Variants in RIN3 observed in about 807,000 individuals in gnomAD.
RIN3 encodes the protein Ras and Rab interactor 3, also known as RAB5 interacting protein 3.
A neutral mutation model predicts 76.3 loss-of-function variants in RIN3; 54 were observed. The ratio of observed to expected loss-of-function variants is 0.71; its 90% confidence interval spans 0.57 to 0.89. RIN3 has a LOEUF of 0.89. Among genes scored for constraint, RIN3 ranks in the 40% least tolerant of loss-of-function variants. The probability of loss-of-function intolerance (pLI) is 0.00; values close to 1 mark genes in which losing one functional copy is unlikely to be tolerated. For missense variants in RIN3, 1,256 were observed against 1,322.1 expected (o/e 0.95, Z 0.78); for synonymous variants, 576 against 564.0 (o/e 1.02, Z -0.30).
intron 2 of RIN3, among the ~76,000 whole-genome samples, chr14:92,563,503 G>A (rs1339083101): frequency 3.9e-5 from 6 of 152,164 alleles, no homozygotes; most frequent in Admixed American, 3.3e-4. Context: ...CTGCAAAACA[G>A]GGGTGTGATC....
intron 4 of RIN3, among the ~76,000 whole-genome samples, chr14:92,634,601 C>T (rs1016149201): frequency 6.6e-6 from 1 of 152,020 alleles, no homozygotes; most frequent in South Asian, 2.1e-4. Flanking sequence ...CGTGGTGGCT[C>T]ACGCCTGTAA....
chr14:92,545,743 A>G (rs1897246971), intron 1 of RIN3, among the ~76,000 whole-genome samples: 1 of 151,278 alleles, frequency 6.6e-6, no homozygotes, highest in African/African-American at 2.4e-5. Flanking sequence ...CACCACACCT[A>G]GCTTCTAATT....
At chr14:92,530,640 T>C (rs1168964842) in intron 1 of RIN3, among the ~76,000 whole-genome samples, 1 of 152,016 alleles carries the variant, frequency 6.6e-6, no homozygotes, top group Non-Finnish European at 1.5e-5. Flanking sequence ...CTGTGGCCAC[T>C]TCTCGGTGGA....
At chr14:92,539,472 C>T (rs58855510) in intron 1 of RIN3, among the ~76,000 whole-genome samples, 1 of 151,912 alleles carries the variant, frequency 6.6e-6, no homozygotes, top group African/African-American at 2.4e-5. Context: ...AAGCCACGGA[C>T]CTGGGATTCT....
intron 7 of RIN3, among the ~76,000 whole-genome samples, chr14:92,665,023 T>C (rs1888036262): frequency 6.6e-6 from 1 of 152,246 alleles, no homozygotes; most frequent in Non-Finnish European, 1.5e-5. Flanking sequence ...GGCTGAATGA[T>C]GGAAATAGAA....
chr14:92,687,789 G>A (rs1225218578), intron 9 of RIN3, 137 bp from the exon 10 acceptor site: 2 of 757,942 alleles, frequency 2.6e-6, no homozygotes, highest in South Asian at 2.0e-5. Flanking sequence ...GCAGAGACGG[G>A]AAAGGCGCAG....
At chr14:92,624,130 G>A (rs1337753354) in intron 4 of RIN3, among the ~76,000 whole-genome samples, 2 of 152,226 alleles carry the variant, frequency 1.3e-5, no homozygotes, top group Non-Finnish European at 2.9e-5. Flanking sequence ...ATTCCATCCA[G>A]GCATTTGTTT....
At chr14:92,627,516 A>G (rs999998372) in intron 4 of RIN3, among the ~76,000 whole-genome samples, 1 of 152,228 alleles carries the variant, frequency 6.6e-6, no homozygotes, top group African/African-American at 2.4e-5. Flanking sequence ...GCCTATGATC[A>G]TTCACACACA....
chr14:92,639,438 T>C (rs1886902970), intron 4 of RIN3, among the ~76,000 whole-genome samples: 1 of 152,128 alleles, frequency 6.6e-6, no homozygotes, highest in Non-Finnish European at 1.5e-5. Context: ...TCCATTCCTG[T>C]CTTCACAGAG....
At chr14:92,519,747 C>G (rs916811304) in intron 1 of RIN3, among the ~76,000 whole-genome samples, 1 of 152,210 alleles carries the variant, frequency 6.6e-6, no homozygotes, top group Non-Finnish European at 1.5e-5. Context: ...TGTGTGCCTC[C>G]CTCCCCACGC....
At chr14:92,546,097 G>A (rs1378434526) in intron 1 of RIN3, among the ~76,000 whole-genome samples, 2 of 152,004 alleles carry the variant, frequency 1.3e-5, no homozygotes, top group Non-Finnish European at 2.9e-5. Flanking sequence ...GGTAATTTTT[G>A]TATTTTTAGT....
At chr14:92,517,895 C>T (rs529167180) in intron 1 of RIN3, among the ~76,000 whole-genome samples, 10 of 152,340 alleles carry the variant, frequency 6.6e-5, no homozygotes, top group Admixed American at 2.6e-4. Flanking sequence ...CCCCCAACAG[C>T]TCCCTAATTG....
chr14:92,649,896 G>A (rs1211891729), intron 5 of RIN3, among the ~76,000 whole-genome samples: 1 of 152,186 alleles, frequency 6.6e-6, no homozygotes, highest in Non-Finnish European at 1.5e-5. Context: ...CCTCAGAGGG[G>A]TGCACACAGC....
At chr14:92,558,891 T>C (rs1566842296) in intron 2 of RIN3, among the ~76,000 whole-genome samples, 1 of 148,130 alleles carries the variant, frequency 6.8e-6, no homozygotes, top group Non-Finnish European at 1.5e-5. Context: ...TCTTTTCTTT[T>C]TTTTTTTTTT....
At chr14:92,523,453 C>A (rs1896649239) in intron 1 of RIN3, among the ~76,000 whole-genome samples, 1 of 152,188 alleles carries the variant, frequency 6.6e-6, no homozygotes, top group Non-Finnish European at 1.5e-5. Flanking sequence ...TTTTCTATCA[C>A]TTACAAGCTT....
chr14:92,665,703 T>C (rs1888071276), intron 7 of RIN3, among the ~76,000 whole-genome samples: 1 of 151,108 alleles, frequency 6.6e-6, no homozygotes, highest in East Asian at 1.9e-4. Flanking sequence ...ATGATATTGA[T>C]GTTTCTGAAG....
chr14:92,615,967 G>A (rs1002588264), intron 4 of RIN3: 1 of 155,826 alleles, frequency 6.4e-6, no homozygotes, highest in African/African-American at 2.4e-5. Context: ...ATACACTTTG[G>A]TGCCATAAGT....
chr14:92,572,221 C>T (rs917849173), intron 2 of RIN3, among the ~76,000 whole-genome samples: 2 of 152,202 alleles, frequency 1.3e-5, no homozygotes, highest in African/African-American at 4.8e-5. Context: ...TGTCTGCATG[C>T]GCAGTGGTCC....
intron 3 of RIN3, among the ~76,000 whole-genome samples, chr14:92,587,078 A>G (rs1044220264): frequency 1.3e-5 from 2 of 152,236 alleles, no homozygotes; most frequent in Non-Finnish European, 1.5e-5. Context: ...CCAGGTCACG[A>G]AAGACCTTGA....
Sources: allele counts gnomAD v4.1 joint callset (sites outside exome capture counted in the v4.1 genomes callset), GRCh38; gene constraint gnomAD v4.1.1; transcripts MANE v1.5; gene names NCBI Gene and HGNC (gene_info 2026-07-23, HGNC 2026-07-21).